Variants in SIPA1L1 observed in about 807,000 individuals in gnomAD.
The protein encoded by SIPA1L1 is signal-induced proliferation-associated 1-like protein 1.
In SIPA1L1, 26 loss-of-function variants were observed where a neutral mutation model predicts 162.7. The observed-to-expected ratio is 0.16, with a 90% CI of 0.12 to 0.22. The LOEUF is 0.22. Ranked by LOEUF, SIPA1L1 falls within the 10% of genes least tolerant of loss-of-function variation. The pLI, the probability that SIPA1L1 is intolerant of heterozygous loss-of-function variation, is 1.00. For missense variants in SIPA1L1, 1,874 were observed against 2,241.0 expected (o/e 0.84, Z 3.31); for synonymous variants, 829 against 837.4 (o/e 0.99, Z 0.17).
intron 5 of SIPA1L1, among the ~76,000 whole-genome samples, chr14:71,593,232 G>C (rs192696788): frequency 6.8e-6 from 1 of 147,496 alleles, no homozygotes; most frequent in East Asian, 2.0e-4. Context: ...TATTTATTGA[G>C]ACAGAGTCTC....
chr14:71,482,267 G>C (rs188392841), intron 2 of SIPA1L1, among the ~76,000 whole-genome samples: 104 of 152,324 alleles, frequency 6.8e-4, no homozygotes, highest in Non-Finnish European at 1.3e-3. Flanking sequence ...TTGCTCTTCA[G>C]CTTTTAGCTA....
intron 2 of SIPA1L1, chr14:71,467,216 T>G (rs2047070811): frequency 6.6e-6 from 1 of 152,220 alleles, no homozygotes; most frequent in Admixed American, 6.5e-5. Flanking sequence ...GTTGGATTCT[T>G]TGTCGTTCAA....
At chr14:71,598,322 T>C (rs1457819550) in intron 5 of SIPA1L1, 18 of 643,724 alleles carry the variant, frequency 2.8e-5, no homozygotes, top group African/African-American at 1.2e-4. Flanking sequence ...AGGATTTGCA[T>C]GATCTCCAGG....
intron 7 of SIPA1L1, among the ~76,000 whole-genome samples, chr14:71,645,047 G>A (rs536318162): frequency 6.6e-6 from 1 of 152,156 alleles, no homozygotes; most frequent in East Asian, 1.9e-4. Flanking sequence ...CCTTTCCGGG[G>A]GCTCTAAGGG....
chr14:71,618,129 C>G (rs2039034349), intron 5 of SIPA1L1, among the ~76,000 whole-genome samples: 1 of 152,232 alleles, frequency 6.6e-6, no homozygotes, highest in Admixed American at 6.5e-5. Context: ...TCATCGGTCA[C>G]CTGGACACAC....
At chr14:71,331,977 A>G (rs1049382616) in intron 2 of SIPA1L1, among the ~76,000 whole-genome samples, 1 of 152,222 alleles carries the variant, frequency 6.6e-6, no homozygotes, top group Non-Finnish European at 1.5e-5. Flanking sequence ...CGGCTACTTA[A>G]GAAATATTTT....
chr14:71,627,350 T>C (rs1421418754), intron 7 of SIPA1L1, among the ~76,000 whole-genome samples: 1 of 151,922 alleles, frequency 6.6e-6, no homozygotes, highest in Non-Finnish European at 1.5e-5. Context: ...TTTCATCACA[T>C]TGGCCAGGGT....
At chr14:71,468,232 G>T (rs2142104440) in intron 2 of SIPA1L1, among the ~76,000 whole-genome samples, 1 of 152,262 alleles carries the variant, frequency 6.6e-6, no homozygotes, top group African/African-American at 2.4e-5. Context: ...AAAAGCTAGA[G>T]CCATATTTAA....
chr14:71,621,333 T>C (rs2039423651), intron 6 of SIPA1L1, among the ~76,000 whole-genome samples: 1 of 152,190 alleles, frequency 6.6e-6, no homozygotes, highest in African/African-American at 2.4e-5. Flanking sequence ...TAGGAGACCA[T>C]GCTCTTCTGT....
chr14:71,509,042 C>T (rs939798710), intron 2 of SIPA1L1, among the ~76,000 whole-genome samples: 2 of 152,212 alleles, frequency 1.3e-5, no homozygotes, highest in Non-Finnish European at 2.9e-5. Context: ...CCAGAATCGG[C>T]TGACATGGTT....
At chr14:71,416,714 A>G (rs1422565186) in intron 2 of SIPA1L1, among the ~76,000 whole-genome samples, 4 of 115,488 alleles carry the variant, frequency 3.5e-5, no homozygotes, top group Non-Finnish European at 5.7e-5. Context: ...AAAAGAAAGA[A>G]AAATCTACAC....
chr14:71,376,015 A>G (rs2039340256), intron 2 of SIPA1L1, among the ~76,000 whole-genome samples: 1 of 152,040 alleles, frequency 6.6e-6, no homozygotes, highest in Admixed American at 6.5e-5. Flanking sequence ...TGTGATTCTT[A>G]TTTTTTGTTT....
At chr14:71,457,476 T>A (rs1365336168) in intron 2 of SIPA1L1, among the ~76,000 whole-genome samples, 1 of 151,814 alleles carries the variant, frequency 6.6e-6, no homozygotes, top group Non-Finnish European at 1.5e-5. Context: ...TTTTTGTATT[T>A]TCAGTAGAGA....
At chr14:71,635,020 G>T (rs1471314375) in intron 7 of SIPA1L1, among the ~76,000 whole-genome samples, 2 of 152,052 alleles carry the variant, frequency 1.3e-5, no homozygotes, top group African/African-American at 2.4e-5. Context: ...GCTCACACCT[G>T]TAATCCCAGC....
At chr14:71,348,790 T>C (rs2036425689) in intron 2 of SIPA1L1, among the ~76,000 whole-genome samples, 3 of 152,224 alleles carry the variant, frequency 2.0e-5, no homozygotes. Context: ...GAAAGTATTT[T>C]TCAGACAGAG....
At chr14:71,427,892 T>G (rs1279092822) in intron 2 of SIPA1L1, among the ~76,000 whole-genome samples, 1 of 152,136 alleles carries the variant, frequency 6.6e-6, no homozygotes, top group East Asian at 1.9e-4. Context: ...CAAGTATTTT[T>G]CAGGGTCAGT....
Position 71,446,894 on chromosome 14 carries a change from G to GTTTTTTTTTTTTTT in SIPA1L1, c.-464-65838_-464-65837insTTTTTTTTTTTTTT, listed in dbSNP as rs765106790. 4.6e-4 allele frequency among the ~76,000 whole-genome samples: 40 copies of GTTTTTTTTTTTTTT among 87,394 alleles called. 6 individuals are homozygous for GTTTTTTTTTTTTTT. The highest frequency in any genetic ancestry group is 1.0e-3 in the African/African-American group (24 of 22,998). 57.3% of individuals were successfully genotyped at this position (87,394 alleles called of 152,430 possible). ...CTGCAAATAAAGAGAGATGGGCTCT[G>GTTTTTTTTTTTTTT]TTTTTTTTTTTGTTTTTTTTTTTTT... On this transcript the variant is annotated intron_variant, in intron 2 of 23. Transcript: ENST00000381232.
At chr14:71,574,346 C>T (rs1161181789) in intron 4 of SIPA1L1, 2 of 152,734 alleles carry the variant, frequency 1.3e-5, no homozygotes, top group African/African-American at 4.8e-5. Context: ...CACCTGAAGT[C>T]TCACGAGAAC....
chr14:71,339,110 A>G (rs1359201186), intron 2 of SIPA1L1, among the ~76,000 whole-genome samples: 1 of 152,104 alleles, frequency 6.6e-6, no homozygotes, highest in Admixed American at 6.5e-5. Flanking sequence ...GCCTTCATGG[A>G]GCATAGAGTC....
Sources: allele counts gnomAD v4.1 joint callset (sites outside exome capture counted in the v4.1 genomes callset), GRCh38; gene constraint gnomAD v4.1.1; transcripts MANE v1.5; gene names NCBI Gene and HGNC (gene_info 2026-07-23, HGNC 2026-07-21).